MDGA2: variants seen among roughly 807,000 people sequenced by gnomAD.
The protein encoded by MDGA2 is MAM domain-containing glycosylphosphatidylinositol anchor protein 2.
A neutral mutation model predicts 117.8 loss-of-function variants in MDGA2; 40 were observed. The observed-to-expected ratio is 0.34, with a 90% confidence interval of 0.26 to 0.44. MDGA2 has a LOEUF of 0.44. Ranked by LOEUF, MDGA2 falls within the 20% of genes least tolerant of loss-of-function variation. The pLI, the probability that MDGA2 is intolerant of heterozygous loss-of-function variation, is 1.00. For synonymous variants in MDGA2, 452 were observed against 439.0 expected, an observed-to-expected ratio of 1.03 and a Z score of -0.37; for missense variants, 1,123 against 1,250.6, an observed-to-expected ratio of 0.90 and a Z score of 1.54.
chr14:47,607,601 C>G (rs924810848), intron 1 of MDGA2, among the ~76,000 whole-genome samples: 8 of 151,992 alleles, frequency 5.3e-5, no homozygotes, highest in African/African-American at 1.9e-4. Flanking sequence ...AGTCAATGAG[C>G]TGAATTTTGA....
intron 8 of MDGA2, among the ~76,000 whole-genome samples, chr14:47,016,627 C>G: frequency 6.6e-6 from 1 of 152,004 alleles, no homozygotes; most frequent in East Asian, 1.9e-4. Flanking sequence ...TATTACTCTA[C>G]TAATTTGAAA....
chr14:46,919,462 T>C (rs2138509593), intron 10 of MDGA2, among the ~76,000 whole-genome samples: 1 of 152,254 alleles, frequency 6.6e-6, no homozygotes, highest in East Asian at 1.9e-4. Context: ...AAAGATACAG[T>C]TTTTTCCACA....
At chr14:47,351,078 A>ATTTTTTTTTTTTT (rs36042383) in intron 1 of MDGA2, among the ~76,000 whole-genome samples, 5 of 127,944 alleles carry the variant, frequency 3.9e-5, no homozygotes, top group African/African-American at 8.5e-5. Flanking sequence ...GGCCCGGCTA[A>ATTTTTTTTTTTTT]TTTTTTTTTT....
intron 2 of MDGA2, among the ~76,000 whole-genome samples, chr14:47,244,209 T>C (rs932504453): frequency 6.6e-6 from 1 of 151,840 alleles, no homozygotes; most frequent in Non-Finnish European, 1.5e-5. Flanking sequence ...ATGTATTGGC[T>C]TAACAAATGA....
At chr14:47,022,153 C>T (rs185710618) in intron 8 of MDGA2, among the ~76,000 whole-genome samples, 3 of 152,192 alleles carry the variant, frequency 2.0e-5, no homozygotes, top group African/African-American at 7.2e-5. Context: ...GACACAATAA[C>T]GGCTCACTGC....
chr14:47,155,548 C>T (rs1289340854), intron 3 of MDGA2, among the ~76,000 whole-genome samples: 1 of 152,098 alleles, frequency 6.6e-6, no homozygotes, highest in African/African-American at 2.4e-5. Context: ...GCTCCAGCTG[C>T]GGCCTAGCAG....
rs370332111 is a variant in MDGA2 at position 47,599,005 on chromosome 14, T to C, written c.280+75512A>G. ...ATACCTAGTGAATATATACCTAGTT[T>C]AGTAGAAAGTGTCTGAGTTCAAATT... On this transcript the variant is annotated intron_variant, in intron 1 of 16. Transcript: ENST00000399232. Among the ~76,000 whole-genome samples, 33 of 152,222 alleles carry C rather than the reference T, an allele frequency of 2.2e-4. 2 individuals are homozygous for C. The highest frequency in any genetic ancestry group is 2.1e-3 in the East Asian group (11 of 5,184).
intron 8 of MDGA2, among the ~76,000 whole-genome samples, chr14:46,963,909 G>T (rs1405692157): frequency 6.6e-6 from 1 of 152,114 alleles, no homozygotes; most frequent in African/African-American, 2.4e-5. Context: ...AAAGAGTAAA[G>T]ATGTACACAT....
In MDGA2 at chr14:47,576,837, C is replaced by T. The variant is rs1208697824; in HGVS notation, c.280+97680G>A. Reference sequence around the variant, plus strand: ...GATTTCAGCTCACTGCAGCCTCGACCTCCCAGGCCTAAGCAATCCTCCTGC... The same window carrying T: ...GATTTCAGCTCACTGCAGCCTCGACTTCCCAGGCCTAAGCAATCCTCCTGC... On this transcript the variant is annotated intron_variant, in intron 1 of 16. Transcript: ENST00000399232. Among the ~76,000 whole-genome samples, 4 of 152,252 alleles carry T rather than the reference C, an allele frequency of 2.6e-5. No homozygotes were observed. In the East Asian group the frequency reaches 5.8e-4, roughly 22 times the overall value.
chr14:47,221,216 T>C (rs948511253), intron 2 of MDGA2, among the ~76,000 whole-genome samples: 2 of 152,030 alleles, frequency 1.3e-5, no homozygotes, highest in African/African-American at 4.8e-5. Flanking sequence ...GGTAACATTG[T>C]AGGGATGGAA....
At chr14:47,496,955 C>T (rs1894294412) in intron 1 of MDGA2, among the ~76,000 whole-genome samples, 1 of 151,930 alleles carries the variant, frequency 6.6e-6, no homozygotes, top group Admixed American at 6.6e-5. Context: ...TCATAAGGAG[C>T]AGGCAAATTA....
chr14:47,304,557 T>C (rs1384313992), intron 1 of MDGA2, among the ~76,000 whole-genome samples: 3 of 152,142 alleles, frequency 2.0e-5, no homozygotes, highest in African/African-American at 4.8e-5. Context: ...AACTTCACAA[T>C]AGAATGTTGT....
chr14:46,846,786 A>G (rs1365733375), intron 15 of MDGA2, among the ~76,000 whole-genome samples: 1 of 152,134 alleles, frequency 6.6e-6, no homozygotes, highest in Non-Finnish European at 1.5e-5. Flanking sequence ...AGTTCTAGAA[A>G]AATATTTACA....
At chr14:47,595,571 A>C (rs1386400722) in intron 1 of MDGA2, among the ~76,000 whole-genome samples, 4 of 151,092 alleles carry the variant, frequency 2.6e-5, no homozygotes, top group Non-Finnish European at 5.9e-5. Context: ...AAAAAAAAAA[A>C]CCCAGCAACC....
intron 1 of MDGA2, among the ~76,000 whole-genome samples, chr14:47,543,675 C>A (rs541083799): frequency 2.6e-5 from 4 of 152,206 alleles, no homozygotes; most frequent in African/African-American, 9.6e-5. Context: ...ACTCATGCAC[C>A]CTGCTAGAGG....
chr14:46,874,251 T>C, intron 12 of MDGA2, 51 bp from the exon 13 acceptor site: 1 of 899,602 alleles, frequency 1.1e-6, no homozygotes, highest in South Asian at 4.1e-5. Context: ...ATACACATAC[T>C]GCAATATTTT....
At chr14:47,314,444 G>A (rs1462465682) in intron 1 of MDGA2, among the ~76,000 whole-genome samples, 1 of 152,146 alleles carries the variant, frequency 6.6e-6, no homozygotes, top group Non-Finnish European at 1.5e-5. Context: ...TTTGGAAGCT[G>A]AGGCAGGAGG....
intron 7 of MDGA2, 71 bp from the exon 8 acceptor site, chr14:47,035,375 CA>C: frequency 8.1e-7 from 1 of 1,238,336 alleles, no homozygotes; most frequent in Non-Finnish European, 1.1e-6. Context: ...TACAGAAAAT[CA>C]TAAGGAAACA....
At chr14:47,398,891 A>G (rs1457224629) in intron 1 of MDGA2, among the ~76,000 whole-genome samples, 4 of 152,192 alleles carry the variant, frequency 2.6e-5, no homozygotes, top group African/African-American at 7.2e-5. Flanking sequence ...TGCTTCTTCA[A>G]AAACATTTCA....
Sources: gnomAD v4.1 joint callset for allele counts (sites outside exome capture counted in the v4.1 genomes callset) on GRCh38, gnomAD v4.1.1 for gene constraint, MANE v1.5 for transcripts, NCBI Gene and HGNC (gene_info 2026-07-23, HGNC 2026-07-21) for gene names.